Variants in MTUS2 observed in about 807,000 individuals in gnomAD.
MTUS2 encodes microtubule-associated tumor suppressor candidate 2.
In MTUS2, 40 loss-of-function variants were observed where a neutral mutation model predicts 114.1. That is an observed-to-expected ratio of 0.35 (90% CI 0.27 to 0.46). The LOEUF (loss-of-function observed/expected upper bound fraction) is 0.46, where lower values mean the gene tolerates loss of function less well. Ranked by LOEUF, MTUS2 falls within the 20% of genes least tolerant of loss-of-function variation. The pLI is 1.00. For synonymous variants in MTUS2, 688 were observed against 672.0 expected (o/e 1.02, Z -0.37); for missense variants, 1,679 against 1,705.4 (o/e 0.98, Z 0.27).
chr13:28,820,131 C>T (rs1873783192), upstream of MTUS2, among the ~76,000 whole-genome samples: 1 of 146,862 alleles, frequency 6.8e-6, no homozygotes, highest in Non-Finnish European at 1.5e-5. Flanking sequence ...GGCCGCCGGC[C>T]CCGCGGCTTC....
intron 5 of MTUS2, among the ~76,000 whole-genome samples, chr13:29,279,874 A>G (rs1179483053): frequency 1.3e-5 from 2 of 152,252 alleles, no homozygotes; most frequent in Admixed American, 1.3e-4. Flanking sequence ...AACTCTACAG[A>G]TGATACAAAA....
chr13:29,126,353 A>G (rs1891515447), intron 5 of MTUS2, among the ~76,000 whole-genome samples: 1 of 151,942 alleles, frequency 6.6e-6, no homozygotes, highest in South Asian at 2.1e-4. Flanking sequence ...CGTATTTCCC[A>G]TTCTTTCATT....
chr13:29,237,883 A>T (rs1896591434), intron 5 of MTUS2, among the ~76,000 whole-genome samples: 1 of 152,228 alleles, frequency 6.6e-6, no homozygotes, highest in South Asian at 2.1e-4. Context: ...ACCCATTAAG[A>T]TGGCTGTTAT....
chr13:29,221,836 T>C (rs928214528), intron 5 of MTUS2, among the ~76,000 whole-genome samples: 4 of 152,230 alleles, frequency 2.6e-5, no homozygotes, highest in South Asian at 2.1e-4. Flanking sequence ...TTTTTCCCAA[T>C]ATATTTTCCA....
chr13:29,402,087 ATTAG>A lies in MTUS2; in HGVS notation c.3118-37893_3118-37890del, dbSNP rs554754494. Among the ~76,000 whole-genome samples, 469 of 152,214 alleles carry A rather than the reference ATTAG, an allele frequency of 3.1e-3. 3 individuals carry two copies. The highest frequency in any genetic ancestry group is 0.011 in the African/African-American group (438 of 41,522). ...ATATACATATTCATACTTTTTTCATATTAGTTCTGTGCATTTCTGGATATGAAGT... is the reference window on the plus strand; with the variant it reads ...ATATACATATTCATACTTTTTTCATATTCTGTGCATTTCTGGATATGAAGT... On this transcript the variant is annotated intron_variant, in intron 8 of 15. Transcript: ENST00000612955.
chr13:28,863,027 A>C (rs936166486), intron 2 of MTUS2, among the ~76,000 whole-genome samples: 2 of 152,312 alleles, frequency 1.3e-5, no homozygotes, highest in Middle Eastern at 6.8e-3. Context: ...CAAAATGAAG[A>C]AATTATAGAA....
intron 6 of MTUS2, among the ~76,000 whole-genome samples, chr13:29,315,638 C>G (rs1048895672): frequency 6.6e-6 from 1 of 152,040 alleles, no homozygotes; most frequent in Non-Finnish European, 1.5e-5. Context: ...CTGGATTGAG[C>G]TAGGGTTGGG....
At chr13:28,930,257 A>G (rs1881544394) in intron 2 of MTUS2, among the ~76,000 whole-genome samples, 1 of 152,226 alleles carries the variant, frequency 6.6e-6, no homozygotes, top group South Asian at 2.1e-4. Context: ...CGCCACTAAA[A>G]TGTGATTGTT....
At chr13:29,502,417 C>T (rs1882972227) in intron 15 of MTUS2, among the ~76,000 whole-genome samples, 1 of 152,252 alleles carries the variant, frequency 6.6e-6, no homozygotes, top group Non-Finnish European at 1.5e-5. Context: ...GCTGGGAGTT[C>T]AGCATGCAGA....
intron 4 of MTUS2, among the ~76,000 whole-genome samples, chr13:29,053,837 C>T (rs1888011287): frequency 6.6e-6 from 1 of 152,088 alleles, no homozygotes; most frequent in Admixed American, 6.6e-5. Flanking sequence ...GGGTTATTTT[C>T]AGTTTTTGGC....
intron 6 of MTUS2, among the ~76,000 whole-genome samples, chr13:29,291,453 C>T (rs1178243178): frequency 6.6e-6 from 1 of 152,194 alleles, no homozygotes; most frequent in East Asian, 1.9e-4. Flanking sequence ...AGGGGAGGTA[C>T]TAGGGTGTTT....
intron 8 of MTUS2, among the ~76,000 whole-genome samples, chr13:29,375,862 G>A (rs774197999): frequency 2.4e-4 from 36 of 151,162 alleles, no homozygotes; most frequent in Non-Finnish European, 4.3e-4. Flanking sequence ...GGAAAGGCAC[G>A]AGGGATGAAA....
chr13:28,840,533 A>G (rs1352745108), intron 2 of MTUS2, among the ~76,000 whole-genome samples: 1 of 152,264 alleles, frequency 6.6e-6, no homozygotes, highest in East Asian at 1.9e-4. Flanking sequence ...TGTGCTGGAA[A>G]ATTGTAATAT....
At chr13:28,892,284 A>G (rs1878979936) in intron 2 of MTUS2, among the ~76,000 whole-genome samples, 1 of 152,032 alleles carries the variant, frequency 6.6e-6, no homozygotes, top group Admixed American at 6.6e-5. Flanking sequence ...GCTTGGGGCT[A>G]TGGGTGAGGT....
At chr13:28,899,942 C>T (rs560192821) in intron 2 of MTUS2, among the ~76,000 whole-genome samples, 1 of 152,172 alleles carries the variant, frequency 6.6e-6, no homozygotes, top group East Asian at 1.9e-4. Context: ...GGCTGGAGTG[C>T]AACGGCAGGA....
At chr13:29,061,067 C>T (rs1035723184) in intron 4 of MTUS2, among the ~76,000 whole-genome samples, 4 of 151,950 alleles carry the variant, frequency 2.6e-5, no homozygotes, top group South Asian at 2.1e-4. Flanking sequence ...CTGGGATTAC[C>T]GACGTGAGCC....
intron 5 of MTUS2, among the ~76,000 whole-genome samples, chr13:29,147,543 T>A (rs2139025801): frequency 6.6e-6 from 1 of 152,078 alleles, no homozygotes; most frequent in South Asian, 2.1e-4. Flanking sequence ...CCCTAGGTAC[T>A]AAGTTTAGTA....
rs145327914 is a variant in MTUS2 at position 29,240,721 on chromosome 13, C to T, written c.2645-40983C>T. Among the ~76,000 whole-genome samples the T allele has an allele frequency of 2.7e-3, 405 of 152,028 alleles. 2 individuals are homozygous for T. The highest frequency in any genetic ancestry group is 9.3e-3 in the African/African-American group (384 of 41,474). On this transcript the variant is annotated intron_variant, in intron 5 of 15. Coordinates refer to ENST00000612955, the MANE Select transcript of MTUS2 (RefSeq NM_001033602.4). ...GATTAAAATTTCTAAACAGTGGAACCCTGATTGTGGGATGCATATTCTTAG... is the reference window on the plus strand; with the variant it reads ...GATTAAAATTTCTAAACAGTGGAACTCTGATTGTGGGATGCATATTCTTAG...
Position 29,105,180 on chromosome 13 carries a change from A to G in MTUS2, c.2644+4210A>G, listed in dbSNP as rs79739645. Among the ~76,000 whole-genome samples, 9 of 152,342 alleles carry G rather than the reference A, an allele frequency of 5.9e-5. No individual in the cohort carries two copies. In the East Asian group the frequency reaches 1.7e-3, roughly 29 times the overall value. Reference sequence around the variant, plus strand: ...CTGAAAAATTCCAAAGTTCAAAACAATTCTGGTCCCAAGAATTTTGGATAA... The same window carrying G: ...CTGAAAAATTCCAAAGTTCAAAACAGTTCTGGTCCCAAGAATTTTGGATAA... On this transcript the variant is annotated intron_variant, in intron 5 of 15. Transcript: ENST00000612955.
Sources: allele counts gnomAD v4.1 joint callset (sites outside exome capture counted in the v4.1 genomes callset), GRCh38; gene constraint gnomAD v4.1.1; transcripts MANE v1.5; gene names NCBI Gene and HGNC (gene_info 2026-07-23, HGNC 2026-07-21).